The following ARHGEF7 variants were observed in gnomAD, a reference collection of about 807,000 sequenced individuals.
ARHGEF7 encodes the protein Rho guanine nucleotide exchange factor 7.
ARHGEF7 carries 33 observed loss-of-function variants against 109.8 expected under a neutral mutation model. That is an observed-to-expected ratio of 0.30 (90% CI 0.23 to 0.40). ARHGEF7 has a LOEUF of 0.40. ARHGEF7 is among the 10% of genes least tolerant of loss of function. ARHGEF7 has a pLI of 1.00. For missense variants in ARHGEF7, 938 were observed against 1,098.5 expected (o/e 0.85, Z 2.07); for synonymous variants, 458 against 424.6 (o/e 1.08, Z -0.97).
At chr13:111,221,185 ATGTC>A (rs1304813171) in intron 5 of ARHGEF7, among the ~76,000 whole-genome samples, 10 of 74,490 alleles carry the variant, frequency 1.3e-4, no homozygotes, top group Middle Eastern at 0.011. Flanking sequence ...ATAGATATAT[ATGTC>A]TATATATATC....
At position 111,239,277 on chromosome 13, in the gene ARHGEF7, G is replaced by A. The variant is rs1223193340; in HGVS notation, c.760-4595G>A. 6.6e-6 allele frequency among the ~76,000 whole-genome samples: 1 copy of A among 152,158 alleles called. No individual in the cohort carries two copies. The highest frequency in any genetic ancestry group is 1.5e-5 in the Non-Finnish European group (1 of 68,022). On this transcript the variant is annotated intron_variant, in intron 6 of 21. Coordinates refer to ENST00000646102, the MANE Select transcript of ARHGEF7 (RefSeq NM_001354046.2). The surrounding 1 kb of genome is among the most constrained non-coding windows in gnomAD (Gnocchi z 4.3). Reference sequence around the variant, plus strand: ...TTATTTAGAGCATTATTATAATACTGTGAATATAATGTAATAGGTAGCATC... The same window carrying A: ...TTATTTAGAGCATTATTATAATACTATGAATATAATGTAATAGGTAGCATC...
intron 5 of ARHGEF7, among the ~76,000 whole-genome samples, chr13:111,226,256 G>A (rs945809672): frequency 3.9e-5 from 6 of 152,184 alleles, no homozygotes; most frequent in Non-Finnish European, 8.8e-5. Flanking sequence ...TGAGGTTGAA[G>A]GAAAGAAGCC....
At chr13:111,147,600 C>T (rs1030637145) in intron 1 of ARHGEF7, among the ~76,000 whole-genome samples, 2 of 152,172 alleles carry the variant, frequency 1.3e-5, no homozygotes, top group African/African-American at 4.8e-5. Flanking sequence ...TTTTTACTCG[C>T]CATCCTTGAG....
chr13:111,127,075 G>A (rs1285717530), intron 1 of ARHGEF7, among the ~76,000 whole-genome samples: 5 of 152,128 alleles, frequency 3.3e-5, no homozygotes, highest in Admixed American at 1.3e-4. Context: ...AATTACCAAC[G>A]TAAGGAATCA....
intron 2 of ARHGEF7, among the ~76,000 whole-genome samples, chr13:111,195,659 C>T (rs990027350): frequency 6.6e-6 from 1 of 152,194 alleles, no homozygotes; most frequent in African/African-American, 2.4e-5. Flanking sequence ...GCTTCTGGCC[C>T]AGAGAACCAT....
At chr13:111,274,930 G>T in intron 11 of ARHGEF7, 140 bp downstream of exon 11, 1 of 484,862 alleles carries the variant, frequency 2.1e-6, no homozygotes, top group Non-Finnish European at 3.4e-6. Context: ...GCATTCTGTG[G>T]CTGGTAAACT....
intron 14 of ARHGEF7, 93 bp downstream of exon 14, chr13:111,280,443 G>T: frequency 1.3e-6 from 2 of 1,582,106 alleles, no homozygotes; most frequent in Non-Finnish European, 1.7e-6. Flanking sequence ...TTCAGAAGGT[G>T]GTGTTTAAGC....
In ARHGEF7 at chr13:111,201,017, C is replaced by CG. The variant is rs548316271; in HGVS notation, c.253-4270dup. 3.9e-5 allele frequency among the ~76,000 whole-genome samples: 6 copies of CG among 152,154 alleles called. No homozygotes were observed. The South Asian group carries it at 1.2e-3, about 32-fold the overall frequency. ...CTCAGTCTTAAATATTAATGAAGTT[C>CG]GGCCTTCAATTAAAAAACCATGCCC... On this transcript the variant is annotated intron_variant, in intron 2 of 21. Coordinates refer to ENST00000646102, the MANE Select transcript of ARHGEF7 (RefSeq NM_001354046.2).
At position 111,305,726 on chromosome 13, in the gene ARHGEF7, T is replaced by C. The variant is rs2093635484; in HGVS notation, c.*2613T>C. 1 of 152,246 alleles carries C rather than the reference T, an allele frequency of 6.6e-6. No individual in the cohort carries two copies. Among genetic ancestry groups the C allele is most frequent in the South Asian group, 2.1e-4 (1 of 4,832 alleles). The allele number at this position is 152,246 out of a possible 1,614,324, so 9.4% of individuals were successfully genotyped here. Reference sequence around the variant, plus strand: ...TAATTATTAAACTGATTATTTTTCTTATGTCACAGAATGTGTCGCTTCGTC... The same window carrying C: ...TAATTATTAAACTGATTATTTTTCTCATGTCACAGAATGTGTCGCTTCGTC... On this transcript the variant is annotated 3_prime_UTR_variant, in exon 22 of 22. Transcript: ENST00000646102.
chr13:111,162,290 A>G (rs2076809296), intron 2 of ARHGEF7, among the ~76,000 whole-genome samples: 2 of 152,152 alleles, frequency 1.3e-5, no homozygotes, highest in African/African-American at 2.4e-5. Flanking sequence ...TTCTGGGGAG[A>G]TTGCAAACTA....
At chr13:111,121,735 C>T (rs914624032) in intron 1 of ARHGEF7, among the ~76,000 whole-genome samples, 1 of 152,314 alleles carries the variant, frequency 6.6e-6, no homozygotes, top group Non-Finnish European at 1.5e-5. Flanking sequence ...CTGGGAGACC[C>T]GGTCCTCTGC....
At chr13:111,201,710 C>T (rs2081230695) in intron 2 of ARHGEF7, among the ~76,000 whole-genome samples, 1 of 152,104 alleles carries the variant, frequency 6.6e-6, no homozygotes, top group Non-Finnish European at 1.5e-5. Context: ...GATGAGAAGT[C>T]TGAGGTCTAA....
intron 6 of ARHGEF7, among the ~76,000 whole-genome samples, chr13:111,240,357 A>G (rs193243385): frequency 1.2e-4 from 18 of 152,294 alleles, no homozygotes; most frequent in Admixed American, 5.9e-4. Context: ...AAAAGCATTT[A>G]TGTGGTCTCT....
chr13:111,301,222 T>G (rs2153636775), intron 20 of ARHGEF7, among the ~76,000 whole-genome samples: 1 of 152,316 alleles, frequency 6.6e-6, no homozygotes, highest in Middle Eastern at 3.4e-3. Context: ...ATGCTGGGAT[T>G]ACAGGTGTGA....
intron 6 of ARHGEF7, among the ~76,000 whole-genome samples, chr13:111,243,582 T>C (rs1449176106): frequency 6.6e-6 from 1 of 152,236 alleles, no homozygotes; most frequent in African/African-American, 2.4e-5. Context: ...TGGCGGCTTC[T>C]CCTTTTTATC....
intron 2 of ARHGEF7, among the ~76,000 whole-genome samples, chr13:111,200,834 A>G (rs1482798932): frequency 2.0e-5 from 3 of 152,236 alleles, no homozygotes; most frequent in Non-Finnish European, 2.9e-5. Context: ...CTCTTGATCC[A>G]GAGCAGTCTT....
At chr13:111,141,114 T>C (rs2075324865) in intron 1 of ARHGEF7, among the ~76,000 whole-genome samples, 1 of 152,170 alleles carries the variant, frequency 6.6e-6, no homozygotes, top group East Asian at 1.9e-4. Flanking sequence ...TACATTAGTA[T>C]GATGCACCTG....
In ARHGEF7 at chr13:111,266,732, T is replaced by C. The variant is rs1361911982; in HGVS notation, c.951-816T>C. ...CTCCCATTCCCTAGGTAGGAGGATG[T>C]AATCCTTCTGGTAATATTGTGGGTA... On this transcript the variant is annotated intron_variant, in intron 8 of 21. Transcript: ENST00000646102. The surrounding 1 kb of genome is among the most constrained non-coding windows in gnomAD (Gnocchi z 4.8). 1 of 446,872 alleles carries C rather than the reference T, an allele frequency of 2.2e-6. No individual in the cohort carries two copies. Among genetic ancestry groups the C allele is most frequent in the Non-Finnish European group, 4.6e-6 (1 of 219,562 alleles). The allele number at this position is 446,872 out of a possible 1,614,324, so 27.7% of individuals were successfully genotyped here.
chr13:111,293,186 T>C, intron 19 of ARHGEF7: 2 of 985,432 alleles, frequency 2.0e-6, no homozygotes, highest in Non-Finnish European at 2.4e-6. Context: ...TGTAGACTAC[T>C]GGACTGTAGT....
Sources: gnomAD v4.1 joint callset for allele counts (sites outside exome capture counted in the v4.1 genomes callset) on GRCh38, gnomAD v4.1.1 for gene constraint, Gnocchi (gnomAD v3.1) non-coding constraint, MANE v1.5 for transcripts, NCBI Gene and HGNC (gene_info 2026-07-23, HGNC 2026-07-21) for gene names.